Variants in GLT8D2 observed in about 807,000 individuals in gnomAD.
The protein encoded by GLT8D2 is glycosyltransferase 8 domain containing 2, also known as glycosyltransferase 8 domain-containing protein 2.
In GLT8D2, 45 loss-of-function variants were observed where a neutral mutation model predicts 44.5. That is an observed-to-expected ratio of 1.01 (90% CI 0.80 to 1.30). GLT8D2 has a LOEUF of 1.30. Among genes scored for constraint, GLT8D2 ranks in the 50% most tolerant of loss-of-function variants. The probability of loss-of-function intolerance (pLI) is 0.00; values close to 1 mark genes in which losing one functional copy is unlikely to be tolerated. For missense variants in GLT8D2, 400 were observed against 430.4 expected, an observed-to-expected ratio of 0.93 and a Z score of 0.62; for synonymous variants, 156 against 157.2, an observed-to-expected ratio of 0.99 and a Z score of 0.06.
At chr12:104,027,166 A>G (rs919829431) in intron 1 of GLT8D2, among the ~76,000 whole-genome samples, 1 of 152,208 alleles carries the variant, frequency 6.6e-6, no homozygotes, top group African/African-American at 2.4e-5. Flanking sequence ...CTTTGAGTGC[A>G]TGGCAATGAC....
At chr12:104,053,852 C>G (rs1302767268), upstream of GLT8D2, among the ~76,000 whole-genome samples, 3 of 150,500 alleles carry the variant, frequency 2.0e-5, no homozygotes, top group Non-Finnish European at 4.4e-5. Context: ...CCACTGCACT[C>G]CAGCCTGGGC....
At chr12:104,017,249 C>T (rs1323941123) in intron 3 of GLT8D2, among the ~76,000 whole-genome samples, 1 of 151,756 alleles carries the variant, frequency 6.6e-6, no homozygotes, top group African/African-American at 2.4e-5. Context: ...GGAAATCATT[C>T]TGTTTTCATT....
At chr12:104,050,653 A>C (rs1384277306), upstream of GLT8D2, among the ~76,000 whole-genome samples, 4 of 152,078 alleles carry the variant, frequency 2.6e-5, no homozygotes, top group African/African-American at 9.7e-5. Context: ...TGTGTTCTCA[A>C]ACCCGGGAGA....
At chr12:104,025,472 G>A (rs1023883175) in intron 1 of GLT8D2, among the ~76,000 whole-genome samples, 2 of 152,212 alleles carry the variant, frequency 1.3e-5, no homozygotes, top group Middle Eastern at 3.4e-3. Context: ...ACTTCTCAAA[G>A]TGCTGGGATT....
At chr12:104,047,170 G>A (rs2136503762) in intron 1 of GLT8D2, among the ~76,000 whole-genome samples, 1 of 152,170 alleles carries the variant, frequency 6.6e-6, no homozygotes, top group South Asian at 2.1e-4. Context: ...ATTTCTTATA[G>A]TTCTGGAAGC....
At chr12:104,007,323 T>C (rs908991733) in intron 4 of GLT8D2, among the ~76,000 whole-genome samples, 16 of 144,912 alleles carry the variant, frequency 1.1e-4, no homozygotes, top group African/African-American at 3.8e-4. Flanking sequence ...AGATCCTTTT[T>C]GGAAAACCTC....
chr12:103,999,554 A>T, intron 5 of GLT8D2, 40 bp from the exon 6 acceptor site: 1 of 1,212,286 alleles, frequency 8.2e-7, no homozygotes, highest in Non-Finnish European at 1.2e-6. Context: ...ATACCCTTCA[A>T]TTCTTTCCTC....
intron 4 of GLT8D2, among the ~76,000 whole-genome samples, chr12:104,004,633 G>C (rs147687334): frequency 6.6e-6 from 1 of 152,284 alleles, no homozygotes; most frequent in South Asian, 2.1e-4. Context: ...ATTCACAATT[G>C]CTTCAAAGAG....
At chr12:104,037,329 G>A (rs1880021449) in intron 1 of GLT8D2, among the ~76,000 whole-genome samples, 1 of 152,140 alleles carries the variant, frequency 6.6e-6, no homozygotes, top group South Asian at 2.1e-4. Flanking sequence ...AGAACTGAAG[G>A]AGATAGAGAC....
At chr12:104,041,438 T>C (rs895550100) in intron 1 of GLT8D2, among the ~76,000 whole-genome samples, 1 of 151,854 alleles carries the variant, frequency 6.6e-6, no homozygotes, top group African/African-American at 2.4e-5. Context: ...TAGTTGGATG[T>C]GGTGGCACGC....
rs1874506830 is a variant in GLT8D2 at position 104,003,313 on chromosome 12, A to T, written c.113-7T>A. ...GGAGTCTCGGATTCATCATCTGGAA[A>T]CATAAAAACTGGTGTCTTGGAACAT... On this transcript the variant is annotated splice_polypyrimidine_tract_variant and splice_region_variant and intron_variant, in intron 4 of 10. Coordinates refer to ENST00000360814, the MANE Select transcript of GLT8D2 (RefSeq NM_001384711.1). 1.2e-6 allele frequency: 2 copies of T among 1,613,480 alleles called. No individual in the cohort carries two copies. The highest frequency in any genetic ancestry group is 2.7e-5 in the African/African-American group (2 of 74,894).
chr12:104,002,364 A>G (rs925441443), intron 5 of GLT8D2, among the ~76,000 whole-genome samples: 7 of 152,202 alleles, frequency 4.6e-5, no homozygotes, highest in Admixed American at 1.3e-4. Context: ...AATTTTTGTA[A>G]CAATTCTATA....
chr12:104,059,436 C>T (rs1372266091), intron 1 of GLT8D2, among the ~76,000 whole-genome samples: 1 of 152,092 alleles, frequency 6.6e-6, no homozygotes, highest in Non-Finnish European at 1.5e-5. Flanking sequence ...CCAGTTCTAG[C>T]CATTACATCT....
intron 1 of GLT8D2, among the ~76,000 whole-genome samples, chr12:104,025,068 A>AAAAAAAAAAAAAAAAAAAAAAAC (rs1878408098): frequency 1.3e-5 from 1 of 76,136 alleles, no homozygotes. Context: ...AGACTTTGTC[A>AAAAAAAAAAAAAAAAAAAAAAAC]AAAAAAAAAA....
chr12:103,990,133 A>ATATCTATC (rs1170333665), intron 10 of GLT8D2, among the ~76,000 whole-genome samples: 1 of 136,466 alleles, frequency 7.3e-6, no homozygotes, highest in African/African-American at 2.7e-5. Context: ...ATATATATAT[A>ATATCTATC]TGTAGGATAA....
chr12:103,997,920 C>T (rs1227402657), intron 6 of GLT8D2, among the ~76,000 whole-genome samples: 1 of 41,082 alleles, frequency 2.4e-5, no homozygotes, highest in East Asian at 4.5e-4. Context: ...TAAATACACA[C>T]ACACACACAC....
upstream of GLT8D2, among the ~76,000 whole-genome samples, chr12:104,054,657 C>T (rs1241670233): frequency 6.6e-6 from 1 of 152,084 alleles, no homozygotes; most frequent in East Asian, 2.0e-4. Context: ...AGATTCTCCT[C>T]CTTGGATGTC....
intron 1 of GLT8D2, among the ~76,000 whole-genome samples, chr12:104,028,270 A>C (rs1048742079): frequency 6.6e-6 from 1 of 152,150 alleles, no homozygotes; most frequent in Non-Finnish European, 1.5e-5. Flanking sequence ...AGTTTGCTTT[A>C]AAAAATGATG....
At position 104,022,074 on chromosome 12, in the gene GLT8D2, GA is replaced by G. The variant is rs72438249; in HGVS notation, c.-163-584del. Among the ~76,000 whole-genome samples the G allele has an allele frequency of 2.3e-4, 20 of 88,446 alleles. 1 individual carries two copies. Among genetic ancestry groups the G allele is most frequent in the Middle Eastern group, 5.6e-3 (1 of 180 alleles). The allele number at this position is 88,446 out of a possible 152,430, so 58.0% of individuals were successfully genotyped here. A position where few individuals can be genotyped will look rare whatever the true frequency, so the allele number is the denominator to read the frequency against. On this transcript the variant is annotated intron_variant, in intron 1 of 10. Transcript: ENST00000360814. ...AGAAGAAGGGAAAGAAAGAAAGAAA[GA>G]AAAAAAAAGAAAGAAAGAAAGAAGA...
Sources: gnomAD v4.1 joint callset for allele counts (sites outside exome capture counted in the v4.1 genomes callset) on GRCh38, gnomAD v4.1.1 for gene constraint, MANE v1.5 for transcripts, NCBI Gene and HGNC (gene_info 2026-07-23, HGNC 2026-07-21) for gene names.